PPP1R12A: variants seen among roughly 807,000 people sequenced by gnomAD.
PPP1R12A encodes protein phosphatase 1 regulatory subunit 12A, also known as myosin binding subunit.
A neutral mutation model predicts 139.6 loss-of-function variants in PPP1R12A; 19 were observed. The observed-to-expected ratio is 0.14, with a 90% CI of 0.09 to 0.20. The LOEUF is 0.20. PPP1R12A is among the 10% of genes least tolerant of loss of function. The pLI is 1.00. For synonymous variants in PPP1R12A, 427 were observed against 420.6 expected (o/e 1.02, Z -0.19); for missense variants, 925 against 1,211.5 (o/e 0.76, Z 3.51).
At chr12:79,870,491 A>G (rs1446227946) in intron 2 of PPP1R12A, among the ~76,000 whole-genome samples, 2 of 152,196 alleles carry the variant, frequency 1.3e-5, no homozygotes, top group African/African-American at 4.8e-5. Context: ...TATATGCTAG[A>G]GTTAAACTGC....
intron 1 of PPP1R12A, among the ~76,000 whole-genome samples, chr12:79,896,717 A>G (rs551264917): frequency 6.6e-6 from 1 of 152,148 alleles, no homozygotes; most frequent in East Asian, 1.9e-4. Flanking sequence ...ATTGGCCCCC[A>G]CTTATTGCAA....
At chr12:79,831,143 T>C (rs114451761) in intron 4 of PPP1R12A, among the ~76,000 whole-genome samples, 1,814 of 151,678 alleles carry the variant, frequency 0.012, 36 homozygotes, top group African/African-American at 0.042. Context: ...TTTAATACTT[T>C]CTATTCTCAA....
intron 1 of PPP1R12A, among the ~76,000 whole-genome samples, chr12:79,912,663 T>C (rs1169603142): frequency 1.3e-5 from 2 of 151,128 alleles, no homozygotes; most frequent in African/African-American, 4.9e-5. Context: ...CATTGCACTC[T>C]AGCCTGGGTG....
chr12:79,876,844 T>A (rs1211781492), intron 1 of PPP1R12A, among the ~76,000 whole-genome samples: 1 of 152,020 alleles, frequency 6.6e-6, no homozygotes, highest in Non-Finnish European at 1.5e-5. Context: ...ACCCTGTCTC[T>A]ACTAAAAATA....
intron 1 of PPP1R12A, 118 bp from the exon 2 acceptor site, chr12:79,873,056 A>C: frequency 8.9e-7 from 1 of 1,123,822 alleles, no homozygotes; most frequent in South Asian, 1.7e-5. Flanking sequence ...CTCTGTAAAT[A>C]AATCTGCTGC....
intron 2 of PPP1R12A, among the ~76,000 whole-genome samples, chr12:79,855,690 A>G (rs1880565063): frequency 6.6e-6 from 1 of 152,120 alleles, no homozygotes; most frequent in Admixed American, 6.5e-5. Flanking sequence ...AACCAAACAC[A>G]AAATTATTTC....
At chr12:79,928,469 TA>T (rs1565821734) in intron 1 of PPP1R12A, among the ~76,000 whole-genome samples, 1 of 152,228 alleles carries the variant, frequency 6.6e-6, no homozygotes, top group Non-Finnish European at 1.5e-5. Flanking sequence ...GGTAGGTTTT[TA>T]AAAATGGATT....
At chr12:79,861,924 T>TA (rs1211614956) in intron 2 of PPP1R12A, among the ~76,000 whole-genome samples, 1 of 152,158 alleles carries the variant, frequency 6.6e-6, no homozygotes, top group Non-Finnish European at 1.5e-5. Context: ...TCTCCAGACT[T>TA]AAACGTCTGT....
intron 1 of PPP1R12A, among the ~76,000 whole-genome samples, chr12:79,878,822 C>T (rs1376073032): frequency 6.6e-6 from 1 of 152,124 alleles, no homozygotes; most frequent in African/African-American, 2.4e-5. Flanking sequence ...CACTGGGTCC[C>T]TCCCACAACA....
At chr12:79,832,542 G>A (rs1465681488) in intron 3 of PPP1R12A, 51 bp from the exon 4 acceptor site, 1 of 1,509,254 alleles carries the variant, frequency 6.6e-7, no homozygotes. Flanking sequence ...ATTGTTCCAT[G>A]TTGGGAAATA....
At chr12:79,806,430 T>C in intron 12 of PPP1R12A, 97 bp from the exon 13 acceptor site, 2 of 1,165,552 alleles carry the variant, frequency 1.7e-6, no homozygotes, top group Non-Finnish European at 2.4e-6. Context: ...AGAAAAAAAA[T>C]TTAAAAACTG....
intron 2 of PPP1R12A, among the ~76,000 whole-genome samples, chr12:79,861,007 T>C (rs979564866): frequency 9.2e-5 from 14 of 152,166 alleles, no homozygotes; most frequent in Admixed American, 1.3e-4. Flanking sequence ...TAGAAGAAGT[T>C]AAAGAAAAAA....
intron 5 of PPP1R12A, 123 bp from the exon 6 acceptor site, chr12:79,822,313 C>A: frequency 1.6e-6 from 1 of 617,934 alleles, no homozygotes; most frequent in Non-Finnish European, 2.7e-6. Context: ...GGTTATGATA[C>A]AATAACTACT....
intron 2 of PPP1R12A, among the ~76,000 whole-genome samples, chr12:79,872,591 C>T (rs912159733): frequency 1.3e-5 from 2 of 152,090 alleles, no homozygotes; most frequent in Admixed American, 1.3e-4. Flanking sequence ...AATGTTAATA[C>T]GAAGTACCAA....
At chr12:79,832,864 T>G (rs949737675) in intron 3 of PPP1R12A, among the ~76,000 whole-genome samples, 1 of 152,162 alleles carries the variant, frequency 6.6e-6, no homozygotes, top group African/African-American at 2.4e-5. Flanking sequence ...TTTTGATCTG[T>G]TCTATGAAAT....
At chr12:79,784,484 C>T (rs977562204) in intron 22 of PPP1R12A, among the ~76,000 whole-genome samples, 4 of 152,158 alleles carry the variant, frequency 2.6e-5, no homozygotes, top group Admixed American at 1.3e-4. Flanking sequence ...ATCAATTCCC[C>T]TCTCTTGCAG....
At chr12:79,798,104 C>G (rs1872693566) in intron 15 of PPP1R12A, among the ~76,000 whole-genome samples, 1 of 152,096 alleles carries the variant, frequency 6.6e-6, no homozygotes. Context: ...TCCAAATATT[C>G]ATAGAACTTT....
chr12:79,914,446 A>G (rs1299181171), intron 1 of PPP1R12A, among the ~76,000 whole-genome samples: 2 of 152,066 alleles, frequency 1.3e-5, no homozygotes, highest in Non-Finnish European at 2.9e-5. Context: ...TTAATATTAT[A>G]AAGGGGGTCC....
intron 10 of PPP1R12A, among the ~76,000 whole-genome samples, chr12:79,809,578 G>T (rs992712721): frequency 6.6e-6 from 1 of 151,906 alleles, no homozygotes; most frequent in Non-Finnish European, 1.5e-5. Context: ...TTCCTTTAAC[G>T]GAGTATAGTC....
Sources: gnomAD v4.1 joint callset for allele counts (sites outside exome capture counted in the v4.1 genomes callset) on GRCh38, gnomAD v4.1.1 for gene constraint, MANE v1.5 for transcripts, NCBI Gene and HGNC (gene_info 2026-07-23, HGNC 2026-07-21) for gene names.